Variants in ZNF385D observed in about 807,000 individuals in gnomAD.
ZNF385D encodes zinc finger protein 385D, also known as zinc finger protein 659.
ZNF385D carries 15 observed loss-of-function variants against 35.8 expected under a neutral mutation model. The observed-to-expected ratio is 0.42, with a 90% CI of 0.28 to 0.64. The LOEUF (loss-of-function observed/expected upper bound fraction) is 0.64, where lower values mean the gene tolerates loss of function less well. ZNF385D is among the 30% of genes least tolerant of loss of function. ZNF385D has a pLI of 0.23. For missense variants in ZNF385D, 474 were observed against 494.6 expected (o/e 0.96, Z 0.39); for synonymous variants, 212 against 186.8 (o/e 1.13, Z -1.10).
chr3:21,524,770 C>T (rs533501390), intron 3 of ZNF385D, among the ~76,000 whole-genome samples: 11 of 151,960 alleles, frequency 7.2e-5, no homozygotes, highest in East Asian at 3.9e-4. Context: ...TTAACATTTA[C>T]GGAAATCTTA....
chr3:22,290,791 T>C (rs1159281033), intron 2 of ZNF385D, among the ~76,000 whole-genome samples: 2 of 152,138 alleles, frequency 1.3e-5, no homozygotes, highest in Non-Finnish European at 1.5e-5. Context: ...ATTTGGTGTG[T>C]TGATGGAACA....
intron 3 of ZNF385D, among the ~76,000 whole-genome samples, chr3:21,876,343 C>T (rs562973333): frequency 1.6e-4 from 24 of 150,966 alleles, no homozygotes; most frequent in Admixed American, 5.3e-4. Context: ...CTGGTCAAAA[C>T]GGTATGGATA....
intron 2 of ZNF385D, among the ~76,000 whole-genome samples, chr3:22,175,058 C>T (rs1694725973): frequency 6.9e-6 from 1 of 143,886 alleles, no homozygotes; most frequent in Non-Finnish European, 1.5e-5. Flanking sequence ...AAAAAAAGTA[C>T]TGTATGGGAA....
chr3:22,120,246 T>C (rs1205917277), intron 3 of ZNF385D, among the ~76,000 whole-genome samples: 26 of 152,016 alleles, frequency 1.7e-4, no homozygotes, highest in Admixed American at 1.7e-3. Context: ...TCCCTCACAG[T>C]TGTGGAGGAT....
chr3:21,789,089 A>G, intron 3 of ZNF385D, among the ~76,000 whole-genome samples: 1 of 152,256 alleles, frequency 6.6e-6, no homozygotes, highest in East Asian at 1.9e-4. Flanking sequence ...TAGAAAAATA[A>G]AAAGAAATTG....
At chr3:22,120,888 T>G (rs1188189409) in intron 3 of ZNF385D, among the ~76,000 whole-genome samples, 1 of 152,156 alleles carries the variant, frequency 6.6e-6, no homozygotes, top group Non-Finnish European at 1.5e-5. Context: ...CAATGACTTT[T>G]AATGGCAGAA....
chr3:21,920,624 A>C (rs952697470), intron 3 of ZNF385D, among the ~76,000 whole-genome samples: 2 of 77,972 alleles, frequency 2.6e-5, no homozygotes, highest in African/African-American at 1.5e-4. Context: ...TACAATGCCA[A>C]AAAAAAAAAA....
chr3:22,278,236 GTAAT>G (rs1399194809), intron 2 of ZNF385D, among the ~76,000 whole-genome samples: 2 of 151,478 alleles, frequency 1.3e-5, no homozygotes, highest in Non-Finnish European at 2.9e-5. Flanking sequence ...TTAGTACAAA[GTAAT>G]TAACTCAAAA....
chr3:21,774,606 A>C (rs1407427362), intron 3 of ZNF385D, among the ~76,000 whole-genome samples: 1 of 151,788 alleles, frequency 6.6e-6, no homozygotes, highest in Admixed American at 6.6e-5. Context: ...AATGTTCAGG[A>C]AAAATATTAT....
chr3:21,844,830 C>T (rs1195612828), intron 3 of ZNF385D, among the ~76,000 whole-genome samples: 1 of 151,714 alleles, frequency 6.6e-6, no homozygotes, highest in Non-Finnish European at 1.5e-5. Flanking sequence ...TTCAGAGTTG[C>T]CTTGTTCAAC....
intron 3 of ZNF385D, among the ~76,000 whole-genome samples, chr3:22,139,559 G>A (rs145709600): frequency 0.17 from 25,248 of 145,624 alleles, 2,594 homozygotes; most frequent in Middle Eastern, 0.26. Flanking sequence ...GGTGGGAATT[G>A]AACAATGAGA....
At chr3:21,578,191 C>T (rs753178407) in intron 2 of ZNF385D, among the ~76,000 whole-genome samples, 57 of 152,126 alleles carry the variant, frequency 3.7e-4, no homozygotes, top group Non-Finnish European at 7.5e-4. Flanking sequence ...TTTTTGCTGT[C>T]AAGTTCTTTG....
intron 2 of ZNF385D, among the ~76,000 whole-genome samples, chr3:22,234,086 A>C (rs192327577): frequency 9.4e-4 from 143 of 152,268 alleles, no homozygotes; most frequent in African/African-American, 3.3e-3. Context: ...AAAAATTTCA[A>C]AACAATTTTA....
intron 3 of ZNF385D, among the ~76,000 whole-genome samples, chr3:22,129,186 CAG>C (rs1289384747): frequency 6.6e-6 from 1 of 152,244 alleles, no homozygotes; most frequent in Non-Finnish European, 1.5e-5. Flanking sequence ...CCCAAACAAA[CAG>C]AGTCTCTCTC....
chr3:22,199,290 A>G (rs968453575), intron 2 of ZNF385D, among the ~76,000 whole-genome samples: 1 of 152,124 alleles, frequency 6.6e-6, no homozygotes, highest in African/African-American at 2.4e-5. Flanking sequence ...AGATCAGAGA[A>G]ACATGTGGAA....
chr3:22,069,887 T>G (rs1700146913), intron 3 of ZNF385D, among the ~76,000 whole-genome samples: 1 of 152,168 alleles, frequency 6.6e-6, no homozygotes. Flanking sequence ...CTCCTTTTGC[T>G]TTACTGCTGG....
chr3:21,732,323 A>T (rs1378637958), intron 1 of ZNF385D, among the ~76,000 whole-genome samples: 1 of 152,012 alleles, frequency 6.6e-6, no homozygotes, highest in Non-Finnish European at 1.5e-5. Context: ...AAGTGCTGGG[A>T]TTACAGGCGT....
At chr3:22,173,106 C>T (rs1280521549) in intron 2 of ZNF385D, among the ~76,000 whole-genome samples, 1 of 152,116 alleles carries the variant, frequency 6.6e-6, no homozygotes, top group Non-Finnish European at 1.5e-5. Context: ...AATAGACAAA[C>T]ACAAACTAAG....
rs1292972377 is a variant in ZNF385D at position 21,637,003 on chromosome 3, T to C, written c.165+27883A>G. Among the ~76,000 whole-genome samples, 3 of 152,114 alleles carry C rather than the reference T, an allele frequency of 2.0e-5. No homozygotes were observed. In the East Asian group the frequency reaches 5.8e-4, roughly 29 times the overall value. On this transcript the variant is annotated intron_variant, in intron 2 of 7. Coordinates refer to ENST00000281523, the MANE Select transcript of ZNF385D (RefSeq NM_024697.3). ...TCTTATAGATTCTGGATATTAGTCCTTTGTCAGATGTATAGATTGTGAAGA... is the reference window on the plus strand; with the variant it reads ...TCTTATAGATTCTGGATATTAGTCCCTTGTCAGATGTATAGATTGTGAAGA...
Sources: gnomAD v4.1 joint callset for allele counts (sites outside exome capture counted in the v4.1 genomes callset) on GRCh38, gnomAD v4.1.1 for gene constraint, MANE v1.5 for transcripts, NCBI Gene and HGNC (gene_info 2026-07-23, HGNC 2026-07-21) for gene names.